The following ZNF121 variants were observed in gnomAD, a reference collection of about 807,000 sequenced individuals.
The protein encoded by ZNF121 is zinc finger protein 121 (clone ZHC32).
Under a neutral mutation model 2.4 loss-of-function variants are expected in ZNF121, and 1 was observed. The observed-to-expected ratio is 0.41, with a 90% confidence interval of 0.15 to 1.94. The LOEUF is 1.94. Among genes scored for constraint, ZNF121 ranks in the 30% most tolerant of loss-of-function variants. The probability of loss-of-function intolerance (pLI) is 0.30; values close to 1 mark genes in which losing one functional copy is unlikely to be tolerated. For synonymous variants in ZNF121, 173 were observed against 158.6 expected (o/e 1.09, Z -0.68); for missense variants, 369 against 466.3 (o/e 0.79, Z 1.92).
chr19:9,562,465 C>A lies in ZNF121; in HGVS notation c.*3475G>T. 1 of 240,620 alleles carries A rather than the reference C, an allele frequency of 4.2e-6. No individual in the cohort carries two copies. Among genetic ancestry groups the A allele is most frequent in the South Asian group, 3.7e-5 (1 of 27,130 alleles). 14.9% of individuals were successfully genotyped at this position (240,620 alleles called of 1,614,324 possible). On this transcript the variant is annotated 3_prime_UTR_variant, in exon 4 of 4. Transcript: ENST00000320451. The stretch of plus-strand genomic sequence containing the variant: ...AGGTGTGAGCCACCGTGCCCGGCTG[C>A]TCTGTGATCTTTGATGTTCCTATTT...
In ZNF121 at chr19:9,566,867, C is replaced by G. The variant is rs761570162; in HGVS notation, c.246G>C (p.Trp82Cys). ...SLPPNVHQRTWIGDKSFEYSD... is the reference protein window; with the variant it reads ...SLPPNVHQRTCIGDKSFEYSD... ...TGTATTCAAAGGATTTGTCTCCTAT[C>G]CACGTTCTCTGGTGAACATTTGGTG... Residue 82 changes from tryptophan (W) to cysteine (C), a missense_variant, in exon 4 of 4, where the codon TGG becomes TGC. By Grantham distance (215) the Trp-to-Cys change is radical. This residue lies in a region of ZNF121 where 168 missense variants were observed against 162.3 expected (regional missense o/e 1.03). Transcript: ENST00000320451. 6.2e-7 allele frequency: 1 copy of G among 1,614,212 alleles called. No homozygotes were observed. Among genetic ancestry groups the G allele is most frequent in the South Asian group, 1.1e-5 (1 of 91,086 alleles).
In ZNF121 at chr19:9,565,439, G is replaced by A. The variant is rs2074123919; in HGVS notation, c.*501C>T. 1.4e-5 allele frequency: 2 copies of A among 145,052 alleles called. No individual in the cohort carries two copies. Among genetic ancestry groups the A allele is most frequent in the African/African-American group, 5.0e-5 (2 of 39,828 alleles). The allele number at this position is 145,052 out of a possible 1,614,324, so 9.0% of individuals were successfully genotyped here. On this transcript the variant is annotated 3_prime_UTR_variant, in exon 4 of 4. Coordinates refer to ENST00000320451, the MANE Select transcript of ZNF121 (RefSeq NM_001008727.5). ...AATCCCAGCACTTTGGGAGGCCAAG[G>A]CGGGTGGATCACCTGAGGTCAGGAG...
chr19:9,578,069 T>TGGTGCCTGTAGTCCCAGTGGTG (rs1291170249), intron 1 of ZNF121, among the ~76,000 whole-genome samples: 16 of 149,704 alleles, frequency 1.1e-4, no homozygotes, highest in African/African-American at 3.7e-4. Flanking sequence ...TAGCCTGGCG[T>TGGTGCCTGTAGTCCCAGTGGTG]GGTGCCTGTA....
rs953318122 is a variant in ZNF121, at chr19:9,560,419, G to C, written c.*5521C>G. The C allele has an allele frequency of 6.6e-6, 1 of 152,034 alleles. No individual in the cohort carries two copies. Among genetic ancestry groups the C allele is most frequent in the African/African-American group, 2.4e-5 (1 of 41,380 alleles). The allele number at this position is 152,034 out of a possible 1,614,324, so 9.4% of individuals were successfully genotyped here. On this transcript the variant is annotated 3_prime_UTR_variant, in exon 4 of 4. Coordinates refer to ENST00000320451, the MANE Select transcript of ZNF121 (RefSeq NM_001008727.5). ...GTACCGAAGAGTATTGTTAACTATA[G>C]GCATATTTTTATACAACAAATCTCA...
intron 1 of ZNF121, among the ~76,000 whole-genome samples, chr19:9,582,783 T>C (rs922486472): frequency 2.7e-5 from 4 of 150,934 alleles, no homozygotes; most frequent in Admixed American, 6.6e-5. Context: ...AGACTGGGTG[T>C]GTTAGATGTT....
chr19:9,568,866 A>G (rs1320208049), intron 2 of ZNF121, 136 bp downstream of exon 2: 1 of 152,264 alleles, frequency 6.6e-6, no homozygotes, highest in Non-Finnish European at 1.5e-5. Context: ...AGGAATATGG[A>G]AAGTTGAAGA....
intron 1 of ZNF121, among the ~76,000 whole-genome samples, chr19:9,581,568 G>A (rs901944396): frequency 2.0e-5 from 3 of 151,902 alleles, no homozygotes; most frequent in Non-Finnish European, 4.4e-5. Context: ...AAAAGGGGGG[G>A]TACTATGAAT....
chr19:9,578,605 AG>A (rs1349664013), intron 1 of ZNF121, among the ~76,000 whole-genome samples: 1 of 152,214 alleles, frequency 6.6e-6, no homozygotes, highest in East Asian at 1.9e-4. Flanking sequence ...ATGGGAAAAT[AG>A]CAGTCTTCAA....
At chr19:9,575,830 C>G (rs1231935228) in intron 1 of ZNF121, among the ~76,000 whole-genome samples, 3 of 151,994 alleles carry the variant, frequency 2.0e-5, no homozygotes, top group Non-Finnish European at 4.4e-5. Context: ...TTTATGCACC[C>G]AACACTGGAG....
Position 9,561,308 on chromosome 19 carries a change from G to C in ZNF121, c.*4632C>G, listed in dbSNP as rs967998012. On this transcript the variant is annotated 3_prime_UTR_variant, in exon 4 of 4. Transcript: ENST00000320451. ...TAAATTACATTTTTCTGAGTCTAGG[G>C]CTGGAGACAAATGTACCATGAACAA... is the stretch of plus-strand genomic sequence containing the variant. 1 of 152,122 alleles carries C rather than the reference G, an allele frequency of 6.6e-6. No homozygotes were observed. Among genetic ancestry groups the C allele is most frequent in the Non-Finnish European group, 1.5e-5 (1 of 68,014 alleles). The allele number at this position is 152,122 out of a possible 1,614,324, so 9.4% of individuals were successfully genotyped here.
Position 9,560,593 on chromosome 19 carries a change from C to G in ZNF121, c.*5347G>C, listed in dbSNP as rs1208003619. The G allele has an allele frequency of 6.6e-6, 1 of 152,140 alleles. No homozygotes were observed. The highest frequency in any genetic ancestry group is 1.5e-5 in the Non-Finnish European group (1 of 68,026). The allele number at this position is 152,140 out of a possible 1,614,324, so 9.4% of individuals were successfully genotyped here. On this transcript the variant is annotated 3_prime_UTR_variant, in exon 4 of 4. Transcript: ENST00000320451. The stretch of plus-strand genomic sequence containing the variant: ...TATAAGTGGAAATGGGTGTATTTGT[C>G]CTTTCGGAACTGGTTTATTTCACTT...
At chr19:9,583,666 G>A (rs1003135055) in intron 1 of ZNF121, among the ~76,000 whole-genome samples, 1 of 151,930 alleles carries the variant, frequency 6.6e-6, no homozygotes, top group Non-Finnish European at 1.5e-5. Flanking sequence ...ATCGCGCCTG[G>A]CTAATTTTTT....
chr19:9,578,468 T>C (rs1200977769), intron 1 of ZNF121, among the ~76,000 whole-genome samples: 1 of 150,886 alleles, frequency 6.6e-6, no homozygotes, highest in Admixed American at 6.6e-5. Context: ...AAAGCTACCA[T>C]AGCCAAATCA....
chr19:9,567,881 A>C (rs756889301), intron 3 of ZNF121: 36 of 470,222 alleles, frequency 7.7e-5, no homozygotes, highest in Non-Finnish European at 1.2e-4. Flanking sequence ...CTATACACAC[A>C]GATGAAGTTT....
At position 9,566,224 on chromosome 19, in the gene ZNF121, A is replaced by C; in HGVS notation, c.889T>G (p.Ser297Ala). ...KECGKAFTVSSSLHNHVKIHT... is the reference protein window; with the variant it reads ...KECGKAFTVSASLHNHVKIHT... The stretch of plus-strand genomic sequence containing the variant: ...ATTTTTACATGATTATGTAAGCTTG[A>C]GGAAACAGTGAATGCTTTCCCACAC... The change falls in exon 4 of 4, where the codon TCA becomes GCA. Residue 297 changes from serine (S) to alanine (A), a missense_variant. Ser to Ala is a moderately conservative substitution (Grantham distance 99). Around this residue, in one of 4 missense-constraint regions of ZNF121, gnomAD observed 127 missense variants for 169.9 expected, o/e 0.75. Coordinates refer to ENST00000320451, the MANE Select transcript of ZNF121 (RefSeq NM_001008727.5). 6.2e-7 allele frequency: 1 copy of C among 1,614,164 alleles called. No individual in the cohort carries two copies. The highest frequency in any genetic ancestry group is 8.5e-7 in the Non-Finnish European group (1 of 1,180,040).
chr19:9,584,099 G>A (rs1224390972), intron 1 of ZNF121: 2 of 152,224 alleles, frequency 1.3e-5, no homozygotes, highest in Non-Finnish European at 2.9e-5. Flanking sequence ...GGAAACGCCA[G>A]GTTCCTGAGG....
chr19:9,583,670 A>C (rs1371179524), intron 1 of ZNF121, among the ~76,000 whole-genome samples: 2 of 151,584 alleles, frequency 1.3e-5, no homozygotes, highest in Non-Finnish European at 2.9e-5. Flanking sequence ...CGCCTGGCTA[A>C]TTTTTTGTAT....
chr19:9,577,108 T>G (rs959785130), intron 1 of ZNF121, among the ~76,000 whole-genome samples: 6 of 152,198 alleles, frequency 3.9e-5, no homozygotes, highest in African/African-American at 1.4e-4. Context: ...AAAGTGAGCA[T>G]TATTCTCATA....
At chr19:9,570,858 G>A (rs377631128) in intron 1 of ZNF121, among the ~76,000 whole-genome samples, 8 of 152,226 alleles carry the variant, frequency 5.3e-5, no homozygotes, top group South Asian at 2.1e-4. Flanking sequence ...TGGGATTACA[G>A]GCGTGAGCCA....
Sources: gnomAD v4.1 joint callset for allele counts (sites outside exome capture counted in the v4.1 genomes callset) on GRCh38, gnomAD v4.1.1 for gene constraint, gnomAD v4.1.1 regional missense constraint, MANE v1.5 for transcripts, NCBI Gene and HGNC (gene_info 2026-07-23, HGNC 2026-07-21) for gene names.